Variants in PMFBP1 observed in about 807,000 individuals in gnomAD.
The protein encoded by PMFBP1 is polyamine modulated factor 1 binding protein 1, also known as polyamine-modulated factor 1-binding protein 1.
In PMFBP1, 131 loss-of-function variants were observed where a neutral mutation model predicts 137.8. The observed-to-expected ratio is 0.95, with a 90% confidence interval of 0.82 to 1.10. The LOEUF (loss-of-function observed/expected upper bound fraction) is 1.10. PMFBP1 is among the 50% of genes least tolerant of loss of function. The pLI is 0.00. For missense variants in PMFBP1, 1,199 were observed against 1,175.4 expected (o/e 1.02, Z -0.29); for synonymous variants, 490 against 450.4 (o/e 1.09, Z -1.11).
At chr16:72,215,066 T>TA in the PMFBP1 span, among the ~76,000 whole-genome samples, 12 of 151,800 alleles carry the variant, frequency 7.9e-5, no homozygotes, top group East Asian at 3.9e-4. Context: ...AAGGAAATAA[T>TA]AAAAAATACT....
chr16:72,243,853 G>C, the PMFBP1 span, among the ~76,000 whole-genome samples: 124 of 152,304 alleles, frequency 8.1e-4, 3 homozygotes, highest in East Asian at 0.021. Context: ...CCGCACACCA[G>C]CACTCGTAAC....
intron 18 of PMFBP1, 37 bp from the exon 19 acceptor site, chr16:72,123,025 G>T (rs377491488): frequency 6.3e-7 from 1 of 1,581,736 alleles, no homozygotes; most frequent in Non-Finnish European, 8.6e-7. Context: ...GCAGCCAGTC[G>T]CCAGCCTCCC....
At chr16:72,202,507 T>C in the PMFBP1 span, among the ~76,000 whole-genome samples, 4 of 152,266 alleles carry the variant, frequency 2.6e-5, no homozygotes, top group Non-Finnish European at 2.9e-5. Context: ...ATACTAAGAA[T>C]TGAGCAATTT....
chr16:72,246,744 G>C, the PMFBP1 span, among the ~76,000 whole-genome samples: 2 of 151,954 alleles, frequency 1.3e-5, no homozygotes, highest in Non-Finnish European at 2.9e-5. Flanking sequence ...TCTTAACGAG[G>C]AAGCTTATTG....
At chr16:72,161,488 A>G (rs2043061606) in intron 3 of PMFBP1, among the ~76,000 whole-genome samples, 2 of 152,090 alleles carry the variant, frequency 1.3e-5, no homozygotes, top group Non-Finnish European at 2.9e-5. Context: ...AAGTGACATG[A>G]ATTAATTTTA....
chr16:72,247,161 A>G, the PMFBP1 span, among the ~76,000 whole-genome samples: 1 of 152,366 alleles, frequency 6.6e-6, no homozygotes, highest in Admixed American at 6.5e-5. Context: ...CACACAAGGT[A>G]AAGAACACAG....
chr16:72,156,621 G>C (rs77628463), intron 3 of PMFBP1, among the ~76,000 whole-genome samples: 1 of 143,318 alleles, frequency 7.0e-6, no homozygotes, highest in Non-Finnish European at 1.5e-5. Context: ...CTCTGTCTCA[G>C]AAAAAAAAAA....
In PMFBP1 at chr16:72,128,794, ACTGTTCC is replaced by A; in HGVS notation, c.1951-7_1951-1del. 6.2e-7 allele frequency: 1 copy of A among 1,614,110 alleles called. No homozygotes were observed. Among genetic ancestry groups the A allele is most frequent in the East Asian group, 2.2e-5 (1 of 44,886 alleles). The stretch of plus-strand genomic sequence containing the variant: ...TCCAACTTTCTGGAATTCTCTTTCA[ACTGTTCC>A]CTCATTAAAGAACAAAGCACAGCAA... On this transcript the variant is annotated splice_acceptor_variant and splice_polypyrimidine_tract_variant and intron_variant, in intron 13 of 20. Coordinates refer to ENST00000237353, the MANE Select transcript of PMFBP1 (RefSeq NM_031293.3). LOFTEE classifies it high-confidence loss of function.
chr16:72,244,564 G>C, the PMFBP1 span, among the ~76,000 whole-genome samples: 1 of 152,160 alleles, frequency 6.6e-6, no homozygotes, highest in African/African-American at 2.4e-5. Flanking sequence ...GTATGACTGA[G>C]ATTCCAGCCA....
At position 72,135,357 on chromosome 16, in the gene PMFBP1, G is replaced by GT. The variant is rs1270701855; in HGVS notation, c.1203+1090dup. Among the ~76,000 whole-genome samples, 15 of 143,156 alleles carry GT rather than the reference G, an allele frequency of 1.0e-4. No homozygotes were observed. The East Asian group carries it at 1.3e-3, about 12-fold the overall frequency. The allele number at this position is 143,156 out of a possible 152,430, so 93.9% of individuals were successfully genotyped here. Reference sequence around the variant, plus strand: ...TGCCTGGCTAATTTTGTGTGTGTGTGTGTTTTTTTTTTTTTTTTTTTGTTG... The same window carrying GT: ...TGCCTGGCTAATTTTGTGTGTGTGTGTTGTTTTTTTTTTTTTTTTTTTGTTG... On this transcript the variant is annotated intron_variant, in intron 9 of 20. Coordinates refer to ENST00000237353, the MANE Select transcript of PMFBP1 (RefSeq NM_031293.3).
chr16:72,200,885 C>T, the PMFBP1 span, among the ~76,000 whole-genome samples: 1 of 152,128 alleles, frequency 6.6e-6, no homozygotes, highest in Non-Finnish European at 1.5e-5. Flanking sequence ...ACACCTGGTC[C>T]AGTGCTGCCA....
the PMFBP1 span, among the ~76,000 whole-genome samples, chr16:72,235,831 T>C: frequency 6.6e-6 from 1 of 152,194 alleles, no homozygotes; most frequent in South Asian, 2.1e-4. Flanking sequence ...TTTTTGCCTA[T>C]TGATCTTGTG....
At chr16:72,121,713 C>T (rs1487200002) in intron 19 of PMFBP1, among the ~76,000 whole-genome samples, 5 of 152,262 alleles carry the variant, frequency 3.3e-5, no homozygotes, top group Non-Finnish European at 5.9e-5. Context: ...TAGCCTCAAC[C>T]TCTTGGGCTC....
At chr16:72,197,403 A>T in the PMFBP1 span, among the ~76,000 whole-genome samples, 5 of 152,202 alleles carry the variant, frequency 3.3e-5, no homozygotes, top group Admixed American at 3.3e-4. Flanking sequence ...GGAAAGGTTT[A>T]GTTTAACCTT....
intron 15 of PMFBP1, 101 bp from the exon 16 acceptor site, chr16:72,125,506 C>T (rs1162362827): frequency 1.5e-6 from 2 of 1,342,404 alleles, no homozygotes; most frequent in African/African-American, 1.5e-5. Flanking sequence ...TGTCCTCTGC[C>T]CAGGGTGACA....
chr16:72,164,403 G>A (rs994244198), intron 3 of PMFBP1: 5 of 1,307,152 alleles, frequency 3.8e-6, no homozygotes, highest in African/African-American at 3.0e-5. Flanking sequence ...TTATTTTCAT[G>A]GTTGACTTAG....
intron 12 of PMFBP1, 130 bp downstream of exon 12, chr16:72,130,082 TG>T: frequency 8.2e-7 from 1 of 1,225,524 alleles, no homozygotes; most frequent in Non-Finnish European, 1.1e-6. Context: ...CTGGAACCCC[TG>T]GGCTCAAGTG....
At chr16:72,238,084 T>C in the PMFBP1 span, among the ~76,000 whole-genome samples, 1 of 152,246 alleles carries the variant, frequency 6.6e-6, no homozygotes, top group Admixed American at 6.5e-5. Flanking sequence ...TCTTTGCTAT[T>C]GTGGATAGTG....
At chr16:72,143,119 A>T (rs2042747891) in intron 5 of PMFBP1, among the ~76,000 whole-genome samples, 1 of 152,232 alleles carries the variant, frequency 6.6e-6, no homozygotes, top group Non-Finnish European at 1.5e-5. Context: ...ATAAAATTCA[A>T]CATTCATTCC....
Sources: allele counts gnomAD v4.1 joint callset (sites outside exome capture counted in the v4.1 genomes callset), GRCh38; gene constraint gnomAD v4.1.1; transcripts MANE v1.5; gene names NCBI Gene and HGNC (gene_info 2026-07-23, HGNC 2026-07-21).